Variants in RASGRP3 observed in about 807,000 individuals in gnomAD.
RASGRP3 encodes ras guanyl-releasing protein 3.
RASGRP3 carries 54 observed loss-of-function variants against 82.7 expected under a neutral mutation model. The observed-to-expected ratio is 0.65, with a 90% CI of 0.52 to 0.82. RASGRP3 has a LOEUF of 0.82. RASGRP3 is among the 40% of genes least tolerant of loss of function. The pLI is 0.00. For synonymous variants in RASGRP3, 309 were observed against 300.5 expected (o/e 1.03, Z -0.29); for missense variants, 861 against 828.9 (o/e 1.04, Z -0.48).
intron 1 of RASGRP3, among the ~76,000 whole-genome samples, chr2:33,493,685 A>G (rs1248407079): frequency 6.6e-6 from 1 of 151,848 alleles, no homozygotes; most frequent in Non-Finnish European, 1.5e-5. Context: ...GATGCCCGGC[A>G]CCCAACAGCC....
chr2:33,456,904 A>ATT (rs10660284), intron 2 of RASGRP3, among the ~76,000 whole-genome samples: 5,062 of 134,666 alleles, frequency 0.038, 141 homozygotes, highest in Middle Eastern at 0.054. Flanking sequence ...AGTGCTTTCT[A>ATT]TTTTTTTTTT....
intron 1 of RASGRP3, among the ~76,000 whole-genome samples, chr2:33,507,157 A>G (rs1160971952): frequency 6.6e-6 from 1 of 152,206 alleles, no homozygotes; most frequent in African/African-American, 2.4e-5. Flanking sequence ...GCACTTTGGG[A>G]GGCCAAGGTG....
At chr2:33,514,940 A>G (rs975968828) in intron 2 of RASGRP3, 70 bp from the exon 3 acceptor site, 1 of 578,240 alleles carries the variant, frequency 1.7e-6, no homozygotes, top group African/African-American at 1.9e-5. Flanking sequence ...CTTTTCAGGT[A>G]GGAAAGTGAT....
In RASGRP3 at chr2:33,478,908, A is replaced by G. The variant is rs555162442; in HGVS notation, c.-261+2201A>G. 9.9e-5 allele frequency among the ~76,000 whole-genome samples: 15 copies of G among 152,234 alleles called. 1 individual carries two copies. Among genetic ancestry groups the G allele is most frequent in the Admixed American group, 6.5e-4 (10 of 15,292 alleles). Reference sequence around the variant, plus strand: ...TTCATAGTCTCCTCACAATAACTCTATGTGTTACATATTATTATTCCAGTT... The same window carrying G: ...TTCATAGTCTCCTCACAATAACTCTGTGTGTTACATATTATTATTCCAGTT... On this transcript the variant is annotated intron_variant, in intron 1 of 17. Transcript: ENST00000403687.
intron 2 of RASGRP3, among the ~76,000 whole-genome samples, chr2:33,465,868 G>C: frequency 6.6e-6 from 1 of 151,132 alleles, no homozygotes; most frequent in South Asian, 2.1e-4. Flanking sequence ...AATCTATTTT[G>C]CTTTTTCTCT....
intron 2 of RASGRP3, among the ~76,000 whole-genome samples, chr2:33,451,205 T>A (rs1186890717): frequency 3.3e-5 from 5 of 152,200 alleles, no homozygotes; most frequent in Admixed American, 6.5e-5. Context: ...GTATTTCTTC[T>A]TTTGAGAAAT....
rs1328933012 is a variant in RASGRP3, at chr2:33,558,974, G to T, written c.2008G>T (p.Gly670Cys). Residue 670 changes from glycine (G) to cysteine (C), a missense_variant, in exon 17 of 18, where the codon GGC becomes TGC. By Grantham distance (159) the Gly-to-Cys change is radical. Transcript: ENST00000403687. ...VHAGVDVVDRGTEFELDQDEG... is the reference protein window; with the variant it reads ...VHAGVDVVDRCTEFELDQDEG... ...TGCTGGTGTGGATGTTGTAGACCGG[G>T]GCACGGAGTTTGAACTTGACCAGGA... is the stretch of plus-strand genomic sequence containing the variant. The T allele has an allele frequency of 6.2e-7, 1 of 1,613,896 alleles. No homozygotes were observed.
upstream of RASGRP3, among the ~76,000 whole-genome samples, chr2:33,473,382 CA>C (rs113570731): frequency 0.011 from 1,532 of 144,808 alleles, 26 homozygotes; most frequent in Middle Eastern, 0.053. Context: ...GACTCCGTCT[CA>C]AAAAAAAAAG....
chr2:33,460,910 C>G (rs1359963047), intron 2 of RASGRP3, among the ~76,000 whole-genome samples: 2 of 152,168 alleles, frequency 1.3e-5, no homozygotes, highest in Admixed American at 1.3e-4. Context: ...TGTGAGTATT[C>G]TGGCCATTAG....
At chr2:33,502,483 C>T (rs950167397) in intron 1 of RASGRP3, among the ~76,000 whole-genome samples, 8 of 149,508 alleles carry the variant, frequency 5.4e-5, no homozygotes, top group African/African-American at 2.0e-4. Context: ...TTTTAACTGT[C>T]TCTTTCTTTT....
Position 33,453,584 on chromosome 2 carries a change from C to G in RASGRP3, c.-261+5641C>G, listed in dbSNP as rs79752929. On this transcript the variant is annotated intron_variant, in intron 2 of 18. Transcript: ENST00000402538. ...CTGGCTTCTTTCAGAGTGAGAGATT[C>G]AAGAAACCAAGATGAAAGATGCAAG... is the stretch of plus-strand genomic sequence containing the variant. Among the ~76,000 whole-genome samples the G allele has an allele frequency of 9.9e-3, 1,514 of 152,186 alleles. 22 individuals carry two copies. The highest frequency in any genetic ancestry group is 0.035 in the African/African-American group (1,449 of 41,504).
chr2:33,480,930 C>T (rs533847650), intron 1 of RASGRP3, among the ~76,000 whole-genome samples: 32 of 152,182 alleles, frequency 2.1e-4, no homozygotes, highest in East Asian at 7.8e-4. Context: ...ATTGAGAAGT[C>T]GAACCCCTGC....
At chr2:33,477,303 GT>G (rs1467329372) in intron 1 of RASGRP3, among the ~76,000 whole-genome samples, 1 of 152,074 alleles carries the variant, frequency 6.6e-6, no homozygotes, top group Non-Finnish European at 1.5e-5. Flanking sequence ...TTCTTGCATG[GT>G]TTCCAACTAA....
At chr2:33,513,302 A>T (rs1297381770) in intron 2 of RASGRP3, among the ~76,000 whole-genome samples, 1 of 152,266 alleles carries the variant, frequency 6.6e-6, no homozygotes, top group Non-Finnish European at 1.5e-5. Context: ...GAACAGACTC[A>T]TTCCAATGTC....
At chr2:33,494,991 T>A (rs1445483209) in intron 1 of RASGRP3, among the ~76,000 whole-genome samples, 1 of 152,242 alleles carries the variant, frequency 6.6e-6, no homozygotes, top group Non-Finnish European at 1.5e-5. Context: ...GTCTTGCAAT[T>A]TGAAATTACG....
chr2:33,556,174 T>A (rs926013807), intron 15 of RASGRP3, among the ~76,000 whole-genome samples: 1 of 152,022 alleles, frequency 6.6e-6, no homozygotes, highest in Non-Finnish European at 1.5e-5. Flanking sequence ...ACATTACTGT[T>A]GTTTAAGAAG....
chr2:33,470,252 T>C (rs1445832843), intron 2 of RASGRP3, among the ~76,000 whole-genome samples: 1 of 152,186 alleles, frequency 6.6e-6, no homozygotes, highest in Non-Finnish European at 1.5e-5. Flanking sequence ...AACTTTCCAA[T>C]ACAGAAATGT....
chr2:33,547,190 G>A (rs902996315), intron 13 of RASGRP3, among the ~76,000 whole-genome samples: 6 of 151,858 alleles, frequency 4.0e-5, no homozygotes, highest in Admixed American at 3.9e-4. Flanking sequence ...TCACTTCTAA[G>A]TGAGAGCTAA....
intron 11 of RASGRP3, 96 bp from the exon 12 acceptor site, chr2:33,538,998 C>G: frequency 1.2e-6 from 1 of 818,498 alleles, no homozygotes; most frequent in Non-Finnish European, 1.9e-6. Context: ...GAAATTACAC[C>G]ACTGCACTCC....
Sources: gnomAD v4.1 joint callset for allele counts (sites outside exome capture counted in the v4.1 genomes callset) on GRCh38, gnomAD v4.1.1 for gene constraint, MANE v1.5 for transcripts, NCBI Gene and HGNC (gene_info 2026-07-23, HGNC 2026-07-21) for gene names.